The following PCDHA5 variants were observed in gnomAD, a reference collection of about 807,000 sequenced individuals.
PCDHA5 encodes protocadherin alpha 5, also known as protocadherin alpha-5.
In PCDHA5, 43 loss-of-function variants were observed where a neutral mutation model predicts 61.6. The observed-to-expected ratio is 0.70, with a 90% CI of 0.55 to 0.90. The LOEUF is 0.90. Among genes scored for constraint, PCDHA5 ranks in the 40% least tolerant of loss-of-function variants. The pLI is 0.00. For synonymous variants in PCDHA5, 627 were observed against 543.9 expected, an observed-to-expected ratio of 1.15 and a Z score of -2.13; for missense variants, 1,298 against 1,222.7, an observed-to-expected ratio of 1.06 and a Z score of -0.92.
Position 141,009,711 on chromosome 5 carries a change from C to G in PCDHA5, c.2585C>G (p.Pro862Arg), listed in dbSNP as rs575518914. Reference sequence around the variant, plus strand: ...ACCTTTAAATACGGACCAGGCAACCCCAAACAATCCGGTCCCGGTGAGTTG... The same window carrying G: ...ACCTTTAAATACGGACCAGGCAACCGCAAACAATCCGGTCCCGGTGAGTTG... The part of the protein sequence containing the change: ...SWTFKYGPGN[P>R]KQSGPGELPD... Residue 862 changes from proline to arginine, a missense_variant, in exon 4 of 4, where the codon CCC (proline) becomes CGC (arginine). Transcript: ENST00000529859. The G allele has an allele frequency of 6.2e-6, 10 of 1,613,982 alleles. No homozygotes were observed. Among genetic ancestry groups the G allele is most frequent in the Non-Finnish European group, 8.5e-6 (10 of 1,180,036 alleles).
At chr5:140,967,588 A>G (rs782208520) in intron 1 of PCDHA5, 7 of 1,614,116 alleles carry the variant, frequency 4.3e-6, no homozygotes, top group Non-Finnish European at 5.1e-6. Flanking sequence ...CCCCAGGCAC[A>G]TTGGTGGTGA....
chr5:140,908,880 A>C (rs1342304863), intron 1 of PCDHA5, among the ~76,000 whole-genome samples: 1 of 152,204 alleles, frequency 6.6e-6, no homozygotes, highest in Non-Finnish European at 1.5e-5. Context: ...TCCAAAATCC[A>C]ATAGTCCCAA....
intron 1 of PCDHA5, chr5:140,928,768 C>G: frequency 1.2e-6 from 2 of 1,614,136 alleles, no homozygotes; most frequent in Non-Finnish European, 1.7e-6. Context: ...CTTAGTTCTT[C>G]CCACTGATGC....
intron 1 of PCDHA5, among the ~76,000 whole-genome samples, chr5:140,941,202 CCTTTCTTTCTTCCTTTCTTT>C (rs1442425625): frequency 7.3e-5 from 9 of 122,742 alleles, no homozygotes; most frequent in Non-Finnish European, 1.3e-4. Context: ...TTTCTTTCTT[CCTTTCTTTCTTCCTTTCTTT>C]CTTTCTTTCT....
rs1554174531 is a variant in PCDHA5 at position 140,882,554 on chromosome 5, T to G, written c.2352+58427T>G. On this transcript the variant is annotated intron_variant, in intron 1 of 3. Transcript: ENST00000529859. ...TTCTCGGATCGACCGCGAGGAGCTG[T>G]GTGGGCGGAGCGCGGAGTGCAGCAT... is the stretch of plus-strand genomic sequence containing the variant. 1.9e-6 allele frequency: 3 copies of G among 1,614,174 alleles called. No homozygotes were observed. The South Asian group carries it at 3.3e-5, about 18-fold the overall frequency.
Position 140,927,198 on chromosome 5 carries a change from G to T in PCDHA5, c.2353-51751G>T. On this transcript the variant is annotated intron_variant, in intron 1 of 3. Transcript: ENST00000529859. ...TCTTGACCTACGACCTGGTGCTCGA[G>T]GACCCGCTGGAGCTGCACAAGATTC... 3 of 1,614,162 alleles carry T rather than the reference G, an allele frequency of 1.9e-6. No homozygotes were observed. In the South Asian group the frequency reaches 3.3e-5, roughly 18 times the overall value.
At chr5:140,940,369 T>C (rs1554213311) in intron 1 of PCDHA5, among the ~76,000 whole-genome samples, 1 of 152,212 alleles carries the variant, frequency 6.6e-6, no homozygotes, top group Admixed American at 6.5e-5. Context: ...AAAGTATTCC[T>C]TGAGTTGTTA....
At chr5:140,928,061 C>T (rs2084900711) in intron 1 of PCDHA5, 1 of 1,614,192 alleles carries the variant, frequency 6.2e-7, no homozygotes, top group African/African-American at 1.3e-5. Flanking sequence ...CTGACGGCTT[C>T]CTTTGACAAC....
intron 1 of PCDHA5, among the ~76,000 whole-genome samples, chr5:140,915,100 CACA>C (rs2076984171): frequency 6.6e-6 from 1 of 151,988 alleles, no homozygotes; most frequent in African/African-American, 2.4e-5. Context: ...CACGCACCAC[CACA>C]ACACCCACCT....
Position 140,928,600 on chromosome 5 carries a change from G to C in PCDHA5, c.2353-50349G>C, listed in dbSNP as rs144698541. ...AAATGGTTCTGTCCCAGTGGAAATT[G>C]TGCCCCGCTCTGCCAGGACTGGACA... On this transcript the variant is annotated intron_variant, in intron 1 of 3. Coordinates refer to ENST00000529859, the MANE Select transcript of PCDHA5 (RefSeq NM_018908.3). 3.1e-6 allele frequency: 5 copies of C among 1,614,090 alleles called. No homozygotes were observed. In the African/African-American group the frequency reaches 6.7e-5, roughly 22 times the overall value.
At chr5:140,855,607 T>C (rs1157385251) in intron 1 of PCDHA5, among the ~76,000 whole-genome samples, 2 of 149,722 alleles carry the variant, frequency 1.3e-5, no homozygotes, top group African/African-American at 4.9e-5. Context: ...AGTATGCAAA[T>C]ATTAAGGGCA....
intron 1 of PCDHA5, among the ~76,000 whole-genome samples, chr5:140,895,655 A>G (rs2065093360): frequency 6.6e-6 from 1 of 152,154 alleles, no homozygotes. Context: ...TCCCACTTAT[A>G]AGTGAGAACA....
At chr5:140,924,881 C>T (rs1177812297) in intron 1 of PCDHA5, among the ~76,000 whole-genome samples, 20 of 141,170 alleles carry the variant, frequency 1.4e-4, no homozygotes, top group African/African-American at 5.5e-4. Flanking sequence ...GGTGACAGAG[C>T]AAGAACCTGT....
At chr5:140,892,265 T>A (rs1285445395) in intron 1 of PCDHA5, among the ~76,000 whole-genome samples, 3 of 152,240 alleles carry the variant, frequency 2.0e-5, no homozygotes, top group African/African-American at 7.2e-5. Context: ...GATTTTGTGC[T>A]GAAAGTTGTA....
intron 1 of PCDHA5, chr5:140,876,942 G>C (rs370156477): frequency 6.2e-7 from 1 of 1,613,660 alleles, no homozygotes; most frequent in South Asian, 1.1e-5. Flanking sequence ...ACGCGCTGGT[G>C]TCCTACTCGC....
chr5:140,830,290 G>A (rs2150184535), intron 1 of PCDHA5: 3 of 1,613,848 alleles, frequency 1.9e-6, no homozygotes, highest in East Asian at 2.2e-5. Context: ...GCGCGTGCAC[G>A]GCGGACAAGC....
At chr5:140,845,612 G>A (rs1234666681) in intron 1 of PCDHA5, among the ~76,000 whole-genome samples, 1 of 149,312 alleles carries the variant, frequency 6.7e-6, no homozygotes, top group Non-Finnish European at 1.5e-5. Flanking sequence ...TAAGTATTGT[G>A]GATTCTGAAG....
In PCDHA5 at chr5:140,927,522, A is replaced by G. The variant is rs1292484442; in HGVS notation, c.2353-51427A>G. On this transcript the variant is annotated intron_variant, in intron 1 of 3. Coordinates refer to ENST00000529859, the MANE Select transcript of PCDHA5 (RefSeq NM_018908.3). ...TGCTTACAGCTCGGGACGGCGGGCT[A>G]CCTGCCCGCTCAGGAGACGCACAAG... 5.6e-6 allele frequency: 9 copies of G among 1,614,088 alleles called. No homozygotes were observed. In the South Asian group the frequency reaches 9.9e-5, roughly 18 times the overall value.
At chr5:140,883,288 A>G (rs781835023) in intron 1 of PCDHA5, 1 of 1,614,110 alleles carries the variant, frequency 6.2e-7, no homozygotes, top group Non-Finnish European at 8.5e-7. Context: ...TGGTGGAAGT[A>G]CTAGATGTAA....
Sources: allele counts gnomAD v4.1 joint callset (sites outside exome capture counted in the v4.1 genomes callset), GRCh38; gene constraint gnomAD v4.1.1; transcripts MANE v1.5; gene names NCBI Gene and HGNC (gene_info 2026-07-23, HGNC 2026-07-21).